Variants in MYT1L observed in about 807,000 individuals in gnomAD.
The protein encoded by MYT1L is myelin transcription factor 1 like, also known as myelin transcription factor 1-like protein.
Under a neutral mutation model 126.7 loss-of-function variants are expected in MYT1L, and 12 were observed. The observed-to-expected ratio is 0.09, with a 90% CI of 0.06 to 0.15. The LOEUF (loss-of-function observed/expected upper bound fraction) is 0.15. Among genes scored for constraint, MYT1L ranks in the 10% least tolerant of loss-of-function variants. The pLI, the probability that MYT1L is intolerant of heterozygous loss-of-function variation, is 1.00. For synonymous variants in MYT1L, 541 were observed against 604.2 expected (o/e 0.90, Z 1.53); for missense variants, 979 against 1,585.2 (o/e 0.62, Z 6.49).
intron 4 of MYT1L, among the ~76,000 whole-genome samples, chr2:2,030,939 T>C: frequency 6.6e-6 from 1 of 152,198 alleles, no homozygotes; most frequent in South Asian, 2.1e-4. Flanking sequence ...CGTATTAAAT[T>C]TTGTCTAAAG....
At chr2:2,060,440 T>C (rs1037659220) in intron 3 of MYT1L, among the ~76,000 whole-genome samples, 1 of 152,186 alleles carries the variant, frequency 6.6e-6, no homozygotes. Flanking sequence ...GAATAAAAAA[T>C]CATTATTTGT....
In MYT1L at chr2:2,059,840, C is replaced by G. The variant is rs760486741; in HGVS notation, c.-303-5717G>C. ...TTCCTAGAAAGAGTTTTGTAGGAAG[C>G]TTTGGAGGCTGCAACACATCTTGTG... On this transcript the variant is annotated intron_variant, in intron 3 of 24. Coordinates refer to ENST00000647738, the MANE Select transcript of MYT1L (RefSeq NM_001303052.2). The surrounding 1 kb of genome is among the most constrained non-coding windows in gnomAD (Gnocchi z 4.7). 6.6e-6 allele frequency among the ~76,000 whole-genome samples: 1 copy of G among 152,118 alleles called. No homozygotes were observed. Among genetic ancestry groups the G allele is most frequent in the Non-Finnish European group, 1.5e-5 (1 of 68,026 alleles).
chr2:2,286,376 T>A (rs1278138448), intron 1 of MYT1L, among the ~76,000 whole-genome samples: 1 of 152,226 alleles, frequency 6.6e-6, no homozygotes, highest in Admixed American at 6.5e-5. Flanking sequence ...AATTGATGAC[T>A]CTTCCAGGAC....
chr2:1,858,572 G>T (rs1472615240), intron 18 of MYT1L, among the ~76,000 whole-genome samples: 5 of 152,212 alleles, frequency 3.3e-5, no homozygotes, highest in African/African-American at 4.8e-5. Flanking sequence ...GCAGGGACAG[G>T]AGCCCCCTTG....
In MYT1L at chr2:1,798,678, C is replaced by T. The variant is rs532264736; in HGVS notation, c.3276+3018G>A. Among the ~76,000 whole-genome samples the T allele has an allele frequency of 1.6e-4, 25 of 152,338 alleles. 1 individual carries two copies. In the South Asian group the frequency reaches 5.0e-3, roughly 30 times the overall value. Reference sequence around the variant, plus strand: ...GTCTGGGCCAGTTCCCCTTCCTGGCCATGCTCCCTGAGGGTGTGCGGGCCT... The same window carrying T: ...GTCTGGGCCAGTTCCCCTTCCTGGCTATGCTCCCTGAGGGTGTGCGGGCCT... On this transcript the variant is annotated intron_variant, in intron 23 of 24. Transcript: ENST00000647738.
At chr2:2,236,843 C>T (rs574899380) in intron 2 of MYT1L, among the ~76,000 whole-genome samples, 11 of 128,724 alleles carry the variant, frequency 8.5e-5, no homozygotes, top group Middle Eastern at 5.1e-3. Context: ...GATGGAGTTT[C>T]GCTCTTGTTG....
intron 4 of MYT1L, among the ~76,000 whole-genome samples, chr2:2,040,026 A>G (rs1250883210): frequency 6.6e-6 from 1 of 152,144 alleles, no homozygotes; most frequent in Non-Finnish European, 1.5e-5. Flanking sequence ...GCGAAAGGGA[A>G]ATGAAGCTAG....
intron 2 of MYT1L, among the ~76,000 whole-genome samples, chr2:2,256,608 C>A (rs1223270120): frequency 6.6e-6 from 1 of 152,184 alleles, no homozygotes; most frequent in Non-Finnish European, 1.5e-5. Context: ...GATGCTATAA[C>A]CTTTAGAACA....
chr2:1,849,105 A>C (rs1318554363), intron 19 of MYT1L, among the ~76,000 whole-genome samples: 2 of 152,110 alleles, frequency 1.3e-5, no homozygotes, highest in East Asian at 3.9e-4. Context: ...AAAATGAATA[A>C]AATGTTTAAC....
chr2:2,186,166 G>A (rs1173929124), intron 2 of MYT1L, among the ~76,000 whole-genome samples: 1 of 126,608 alleles, frequency 7.9e-6, no homozygotes, highest in Non-Finnish European at 1.6e-5. Flanking sequence ...CCAGACGCCC[G>A]CGTTCCTTAC....
chr2:2,204,266 C>T (rs2093212012), intron 2 of MYT1L, among the ~76,000 whole-genome samples: 2 of 152,032 alleles, frequency 1.3e-5, no homozygotes, highest in African/African-American at 4.8e-5. Flanking sequence ...CAAATGGGAT[C>T]TAATTAAACT....
intron 1 of MYT1L, among the ~76,000 whole-genome samples, chr2:2,302,333 A>T (rs1377642582): frequency 6.6e-6 from 1 of 152,204 alleles, no homozygotes; most frequent in Non-Finnish European, 1.5e-5. Context: ...ATATTCAGAA[A>T]TTTTTGGACC....
chr2:2,200,142 G>T (rs1257094386), intron 2 of MYT1L, among the ~76,000 whole-genome samples: 1 of 152,104 alleles, frequency 6.6e-6, no homozygotes, highest in Non-Finnish European at 1.5e-5. Flanking sequence ...TGAATTTTTG[G>T]TGTAGGCTGC....
At chr2:2,080,347 A>G (rs918032390) in intron 3 of MYT1L, among the ~76,000 whole-genome samples, 1 of 152,234 alleles carries the variant, frequency 6.6e-6, no homozygotes, top group African/African-American at 2.4e-5. Flanking sequence ...TCAAAACTAA[A>G]AAGTTGATCT....
chr2:2,114,860 A>G (rs543145580), intron 3 of MYT1L, among the ~76,000 whole-genome samples: 1 of 152,152 alleles, frequency 6.6e-6, no homozygotes, highest in Non-Finnish European at 1.5e-5. Flanking sequence ...ACGTGCATAA[A>G]TCACAGTGAT....
intron 15 of MYT1L, 140 bp downstream of exon 15, chr2:1,891,897 C>G (rs536290644): frequency 7.2e-7 from 1 of 1,390,410 alleles, no homozygotes; most frequent in African/African-American, 1.5e-5. Context: ...ACTAATTGTT[C>G]ACAGTGGCGA....
chr2:2,154,925 A>G (rs2086472436), intron 3 of MYT1L, among the ~76,000 whole-genome samples: 3 of 152,146 alleles, frequency 2.0e-5, no homozygotes. Context: ...TTGGGAGTTC[A>G]AGACCAGCCT....
chr2:2,097,117 C>T (rs1384806010), intron 3 of MYT1L, among the ~76,000 whole-genome samples: 7 of 152,062 alleles, frequency 4.6e-5, no homozygotes, highest in African/African-American at 1.7e-4. Flanking sequence ...CCCTGGCCTC[C>T]TTCCCATTGC....
At position 1,849,339 on chromosome 2, in the gene MYT1L, G is replaced by C. The variant is rs2042915683; in HGVS notation, c.2774+2302C>G. On this transcript the variant is annotated intron_variant, in intron 19 of 24. Transcript: ENST00000647738. ...GTTCTTGTCTTTGTATATTTAATTG[G>C]AGTTTTACAAATTTTTTTTTAATCT... is the stretch of plus-strand genomic sequence containing the variant. Among the ~76,000 whole-genome samples, 2 of 129,770 alleles carry C rather than the reference G, an allele frequency of 1.5e-5. 1 individual carries two copies. Among genetic ancestry groups the C allele is most frequent in the South Asian group, 4.7e-4 (2 of 4,232 alleles). The allele number at this position is 129,770 out of a possible 152,430, so 85.1% of individuals were successfully genotyped here. A position where few individuals can be genotyped will look rare whatever the true frequency, so the allele number is the denominator to read the frequency against.
Sources: gnomAD v4.1 joint callset for allele counts (sites outside exome capture counted in the v4.1 genomes callset) on GRCh38, gnomAD v4.1.1 for gene constraint, Gnocchi (gnomAD v3.1) non-coding constraint, MANE v1.5 for transcripts, NCBI Gene and HGNC (gene_info 2026-07-23, HGNC 2026-07-21) for gene names.